RBFOX1: variants seen among roughly 807,000 people sequenced by gnomAD.
The protein encoded by RBFOX1 is RNA binding fox-1 homolog 1.
Under a neutral mutation model 57.7 loss-of-function variants are expected in RBFOX1, and 8 were observed. The observed-to-expected ratio is 0.14, with a 90% CI of 0.08 to 0.25. The LOEUF (loss-of-function observed/expected upper bound fraction) is 0.25, where lower values mean the gene tolerates loss of function less well. Among genes scored for constraint, RBFOX1 ranks in the 10% least tolerant of loss-of-function variants. The pLI is 1.00. For synonymous variants in RBFOX1, 326 were observed against 222.4 expected (o/e 1.47, Z -4.15); for missense variants, 611 against 548.5 (o/e 1.11, Z -1.14).
intron 3 of RBFOX1, among the ~76,000 whole-genome samples, chr16:6,678,150 G>A (rs1392883743): frequency 6.6e-6 from 1 of 152,210 alleles, no homozygotes; most frequent in Non-Finnish European, 1.5e-5. Flanking sequence ...TTGAGACGGA[G>A]TCTCGCTCTG....
chr16:5,631,651 A>G (rs2048511380), intron 3 of RBFOX1, among the ~76,000 whole-genome samples: 1 of 151,886 alleles, frequency 6.6e-6, no homozygotes, highest in Non-Finnish European at 1.5e-5. Flanking sequence ...TTCTGCATTC[A>G]TGTTTCCCAC....
At chr16:5,914,608 G>A (rs933510482) in intron 4 of RBFOX1, among the ~76,000 whole-genome samples, 1 of 152,126 alleles carries the variant, frequency 6.6e-6, no homozygotes, top group Non-Finnish European at 1.5e-5. Context: ...GAAAAAAAAG[G>A]GAGAGAGGCC....
intron 4 of RBFOX1, among the ~76,000 whole-genome samples, chr16:7,113,242 A>G (rs1318818418): frequency 1.3e-5 from 2 of 152,162 alleles, no homozygotes; most frequent in East Asian, 1.9e-4. Context: ...GTTGATTTGA[A>G]TGGAGACCCA....
rs1490186806 is a variant in RBFOX1 at position 6,999,213 on chromosome 16, TTTA to T, written c.-15-52841_-15-52839del. ...TATTTTATTTTATTTTTTATTTTTA[TTTA>T]TTTTTTTTATTTATTTTTTTTTTTA... On this transcript the variant is annotated intron_variant, in intron 3 of 15. Coordinates refer to ENST00000550418, the MANE Select transcript of RBFOX1 (RefSeq NM_018723.4). Among the ~76,000 whole-genome samples, 14 of 71,440 alleles carry T rather than the reference TTTA, an allele frequency of 2.0e-4. No homozygotes were observed. The East Asian group carries it at 4.6e-3, about 24-fold the overall frequency. 46.9% of individuals were successfully genotyped at this position (71,440 alleles called of 152,430 possible).
chr16:5,799,206 C>T (rs895428077), intron 3 of RBFOX1, among the ~76,000 whole-genome samples: 26 of 151,986 alleles, frequency 1.7e-4, no homozygotes, highest in African/African-American at 1.9e-4. Flanking sequence ...CATCAGATCT[C>T]GTGAGACTTA....
At chr16:7,026,186 A>G (rs1377027553) in intron 3 of RBFOX1, among the ~76,000 whole-genome samples, 1 of 152,030 alleles carries the variant, frequency 6.6e-6, no homozygotes, top group African/African-American at 2.4e-5. Flanking sequence ...CTTGGGGCCT[A>G]CTCTGAGGAC....
chr16:5,835,654 G>T (rs1567605621), intron 3 of RBFOX1, among the ~76,000 whole-genome samples: 6 of 152,156 alleles, frequency 3.9e-5, no homozygotes, highest in Admixed American at 3.9e-4. Context: ...GGCTCTGCCT[G>T]GACCCTTCTT....
At chr16:6,110,599 A>C (rs1186334485) in intron 1 of RBFOX1, among the ~76,000 whole-genome samples, 3 of 152,214 alleles carry the variant, frequency 2.0e-5, no homozygotes, top group Non-Finnish European at 4.4e-5. Flanking sequence ...ATGTGAAATC[A>C]ATCTGCCCTA....
chr16:6,743,695 A>G (rs543997109), intron 3 of RBFOX1, among the ~76,000 whole-genome samples: 1 of 151,890 alleles, frequency 6.6e-6, no homozygotes, highest in Admixed American at 6.6e-5. Context: ...CTGGGCTGTC[A>G]TCACACCACT....
chr16:5,284,780 T>TTTG (rs1383317865), intron 1 of RBFOX1, among the ~76,000 whole-genome samples: 14 of 146,456 alleles, frequency 9.6e-5, no homozygotes, highest in African/African-American at 3.0e-4. Context: ...TTTTTTTTTT[T>TTTG]TTACTTGTAG....
intron 1 of RBFOX1, among the ~76,000 whole-genome samples, chr16:6,155,675 C>A (rs534813296): frequency 6.6e-6 from 1 of 152,132 alleles, no homozygotes; most frequent in Admixed American, 6.5e-5. Context: ...CTCTTAACTC[C>A]GAGTACAATG....
At chr16:7,267,301 A>G (rs552391843) in intron 4 of RBFOX1, among the ~76,000 whole-genome samples, 2 of 152,046 alleles carry the variant, frequency 1.3e-5, no homozygotes, top group African/African-American at 4.8e-5. Flanking sequence ...TTCGGAGGCC[A>G]AAGGGGGCGG....
intron 3 of RBFOX1, among the ~76,000 whole-genome samples, chr16:6,762,656 C>T (rs2076778235): frequency 6.6e-6 from 1 of 152,126 alleles, no homozygotes; most frequent in African/African-American, 2.4e-5. Context: ...AGAAGAACTC[C>T]ATTAAACTTG....
intron 10 of RBFOX1, among the ~76,000 whole-genome samples, chr16:7,623,419 G>C (rs963378315): frequency 2.6e-5 from 4 of 152,100 alleles, no homozygotes; most frequent in African/African-American, 7.2e-5. Flanking sequence ...GTCCTGTCTG[G>C]GAGCGATGGG....
intron 3 of RBFOX1, among the ~76,000 whole-genome samples, chr16:6,893,644 A>C (rs753455082): frequency 2.0e-5 from 3 of 152,198 alleles, no homozygotes; most frequent in Non-Finnish European, 2.9e-5. Context: ...CTGTTCCTCC[A>C]ATAGAGCATT....
At chr16:5,955,272 ACT>A (rs1455029571) in intron 4 of RBFOX1, among the ~76,000 whole-genome samples, 1 of 146,706 alleles carries the variant, frequency 6.8e-6, no homozygotes. Context: ...CAAGAGTGAG[ACT>A]CTGTCTCCCA....
intron 3 of RBFOX1, among the ~76,000 whole-genome samples, chr16:6,815,628 G>C (rs2089902364): frequency 6.6e-6 from 1 of 152,110 alleles, no homozygotes; most frequent in South Asian, 2.1e-4. Flanking sequence ...AAGCAAATGA[G>C]TGACTTTCTC....
chr16:7,200,973 G>A (rs1012678407), intron 4 of RBFOX1, among the ~76,000 whole-genome samples: 1 of 152,154 alleles, frequency 6.6e-6, no homozygotes, highest in Non-Finnish European at 1.5e-5. Flanking sequence ...CTTCTTGTAT[G>A]GGAGAGAAAA....
At chr16:6,421,162 G>A (rs1567234030) in intron 2 of RBFOX1, among the ~76,000 whole-genome samples, 1 of 152,194 alleles carries the variant, frequency 6.6e-6, no homozygotes, top group Non-Finnish European at 1.5e-5. Flanking sequence ...GAGGCTTCTT[G>A]ATCCAATTTC....
Sources: gnomAD v4.1 joint callset for allele counts (sites outside exome capture counted in the v4.1 genomes callset) on GRCh38, gnomAD v4.1.1 for gene constraint, MANE v1.5 for transcripts, NCBI Gene and HGNC (gene_info 2026-07-23, HGNC 2026-07-21) for gene names.